HTR4: variants seen among roughly 807,000 people sequenced by gnomAD.
HTR4 encodes 5-hydroxytryptamine (serotonin) receptor 4, G protein-coupled.
A neutral mutation model predicts 36.8 loss-of-function variants in HTR4; 16 were observed. The observed-to-expected ratio is 0.43, with a 90% CI of 0.29 to 0.66. HTR4 has a LOEUF of 0.66. HTR4 is among the 30% of genes least tolerant of loss of function. HTR4 has a pLI of 0.13. For missense variants in HTR4, 438 were observed against 490.9 expected (o/e 0.89, Z 1.02); for synonymous variants, 189 against 185.1 (o/e 1.02, Z -0.17).
At chr5:148,579,197 C>A (rs1453780233) in intron 2 of HTR4, among the ~76,000 whole-genome samples, 1 of 152,038 alleles carries the variant, frequency 6.6e-6, no homozygotes, top group African/African-American at 2.4e-5. Context: ...GGGGGCACAG[C>A]CAATGTTTCT....
chr5:148,517,308 C>T (rs566045187), intron 5 of HTR4, among the ~76,000 whole-genome samples: 14 of 152,122 alleles, frequency 9.2e-5, no homozygotes, highest in Non-Finnish European at 1.3e-4. Flanking sequence ...TACCTGCATT[C>T]CTCAGGTGAT....
intron 1 of HTR4, chr5:148,645,019 A>G (rs1753839750): frequency 6.6e-6 from 1 of 152,186 alleles, no homozygotes; most frequent in Non-Finnish European, 1.5e-5. Context: ...TGCAATTGGT[A>G]CTGGTTTTCG....
At chr5:148,644,143 G>A (rs779453072) in intron 1 of HTR4, among the ~76,000 whole-genome samples, 3 of 152,072 alleles carry the variant, frequency 2.0e-5, no homozygotes, top group Admixed American at 2.0e-4. Flanking sequence ...GTGGTTCAGG[G>A]ACCACTCTTT....
At chr5:148,613,241 A>G (rs1425316279) in intron 2 of HTR4, among the ~76,000 whole-genome samples, 2 of 147,726 alleles carry the variant, frequency 1.4e-5, no homozygotes, top group Non-Finnish European at 3.0e-5. Flanking sequence ...AGAGAATTTT[A>G]GACCAATATC....
intron 2 of HTR4, among the ~76,000 whole-genome samples, chr5:148,554,504 T>G (rs905500521): frequency 1.5e-4 from 23 of 152,138 alleles, no homozygotes; most frequent in Non-Finnish European, 2.8e-4. Context: ...GATTCTAGAC[T>G]CAGAAAATTC....
chr5:148,532,294 A>T (rs1172405198), intron 4 of HTR4, among the ~76,000 whole-genome samples: 2 of 152,340 alleles, frequency 1.3e-5, no homozygotes, highest in African/African-American at 2.4e-5. Flanking sequence ...ATCTAGGACA[A>T]GAGGTGGGAA....
intron 2 of HTR4, among the ~76,000 whole-genome samples, chr5:148,595,073 T>C (rs1761716857): frequency 6.7e-6 from 1 of 149,810 alleles, no homozygotes; most frequent in South Asian, 2.1e-4. Flanking sequence ...CTTTTTTCTC[T>C]GAAAACAGTT....
intron 5 of HTR4, among the ~76,000 whole-genome samples, chr5:148,453,661 G>A (rs534777425): frequency 9.9e-5 from 15 of 152,234 alleles, no homozygotes; most frequent in East Asian, 9.7e-4. Context: ...AGGAGTTGAC[G>A]TCAGCAAGGC....
At chr5:148,492,958 T>C (rs1282191705) in intron 6 of HTR4, among the ~76,000 whole-genome samples, 1 of 152,170 alleles carries the variant, frequency 6.6e-6, no homozygotes, top group East Asian at 1.9e-4. Context: ...TAAGTCTCAA[T>C]GGAAGGGATA....
At chr5:148,519,484 G>A (rs1757913256) in intron 5 of HTR4, among the ~76,000 whole-genome samples, 1 of 152,172 alleles carries the variant, frequency 6.6e-6, no homozygotes, top group Admixed American at 6.5e-5. Context: ...TTTCTGCCTT[G>A]GGCATCTGTA....
chr5:148,497,791 C>T (rs1235004801), intron 6 of HTR4, among the ~76,000 whole-genome samples: 2 of 152,228 alleles, frequency 1.3e-5, no homozygotes, highest in Non-Finnish European at 2.9e-5. Context: ...TAGAATTCCA[C>T]ACACTGGCAT....
At chr5:148,470,618 GAT>G (rs1403675399) in intron 5 of HTR4, among the ~76,000 whole-genome samples, 1 of 152,050 alleles carries the variant, frequency 6.6e-6, no homozygotes, top group African/African-American at 2.4e-5. Flanking sequence ...TTAGCTCAAG[GAT>G]CACACAAAAA....
At chr5:148,539,171 T>C (rs1382860296) in intron 4 of HTR4, among the ~76,000 whole-genome samples, 1 of 152,166 alleles carries the variant, frequency 6.6e-6, no homozygotes, top group Non-Finnish European at 1.5e-5. Flanking sequence ...TGGCTAGCCA[T>C]ATGCAGATGA....
At position 148,649,776 on chromosome 5, in the gene HTR4, G is replaced by T. The variant is rs185729731; in HGVS notation, c.-48+4286C>A. On this transcript the variant is annotated intron_variant, in intron 1 of 6. Transcript: ENST00000377888. ...TAGTAATTATTGACCTTTCAGTCTTGTTCCACTCATTGATTCTCATTAATC... is the reference window on the plus strand; with the variant it reads ...TAGTAATTATTGACCTTTCAGTCTTTTTCCACTCATTGATTCTCATTAATC... Among the ~76,000 whole-genome samples, 7 of 152,268 alleles carry T rather than the reference G, an allele frequency of 4.6e-5. No homozygotes were observed. The East Asian group carries it at 1.4e-3, about 29-fold the overall frequency.
chr5:148,530,719 T>A (rs1484665243), intron 4 of HTR4, among the ~76,000 whole-genome samples: 1 of 152,122 alleles, frequency 6.6e-6, no homozygotes, highest in Non-Finnish European at 1.5e-5. Flanking sequence ...GAACCAGAGA[T>A]CCACCAACAG....
chr5:148,582,661 G>C (rs1761183443), intron 2 of HTR4, among the ~76,000 whole-genome samples: 1 of 152,058 alleles, frequency 6.6e-6, no homozygotes, highest in African/African-American at 2.4e-5. Context: ...ATGCTGATTA[G>C]GTCTCCAATA....
intron 2 of HTR4, among the ~76,000 whole-genome samples, chr5:148,615,587 G>A (rs1279560697): frequency 6.7e-6 from 1 of 149,838 alleles, no homozygotes; most frequent in African/African-American, 2.5e-5. Context: ...GCTAGATGAC[G>A]AGTTAGTGGG....
chr5:148,618,503 C>T (rs150167549), intron 2 of HTR4, among the ~76,000 whole-genome samples: 1 of 152,308 alleles, frequency 6.6e-6, no homozygotes, highest in East Asian at 1.9e-4. Context: ...TCTTCATCTC[C>T]TGCCTTGGTG....
At chr5:148,487,737 G>C (rs1301398967) in intron 6 of HTR4, among the ~76,000 whole-genome samples, 1 of 151,774 alleles carries the variant, frequency 6.6e-6, no homozygotes, top group Non-Finnish European at 1.5e-5. Context: ...ACAGTAGAGA[G>C]AGCGAGCTTA....
Sources: gnomAD v4.1 joint callset for allele counts (sites outside exome capture counted in the v4.1 genomes callset) on GRCh38, gnomAD v4.1.1 for gene constraint, MANE v1.5 for transcripts, NCBI Gene and HGNC (gene_info 2026-07-23, HGNC 2026-07-21) for gene names.